The following CEP63 variants were observed in gnomAD, a reference collection of about 807,000 sequenced individuals.
The protein encoded by CEP63 is centrosomal protein 63, also known as centrosomal protein of 63 kDa.
A neutral mutation model predicts 89.1 loss-of-function variants in CEP63; 84 were observed. That is an observed-to-expected ratio of 0.94 (90% confidence interval 0.79 to 1.13). The LOEUF (loss-of-function observed/expected upper bound fraction) is 1.13, where lower values mean the gene tolerates loss of function less well. Among genes scored for constraint, CEP63 ranks in the 50% most tolerant of loss-of-function variants. The probability of loss-of-function intolerance (pLI) is 0.00; values close to 1 mark genes in which losing one functional copy is unlikely to be tolerated. For synonymous variants in CEP63, 267 were observed against 272.5 expected, an observed-to-expected ratio of 0.98 and a Z score of 0.20; for missense variants, 838 against 813.3, an observed-to-expected ratio of 1.03 and a Z score of -0.37.
chr3:134,676,486 T>A, the CEP63 span, among the ~76,000 whole-genome samples: 1 of 152,200 alleles, frequency 6.6e-6, no homozygotes, highest in Non-Finnish European at 1.5e-5. Flanking sequence ...GTGACAAAAA[T>A]GTTCTGAAGT....
intron 5 of CEP63, among the ~76,000 whole-genome samples, chr3:134,534,897 T>A (rs1283076678): frequency 6.6e-6 from 1 of 152,174 alleles, no homozygotes; most frequent in African/African-American, 2.4e-5. Context: ...TCTTCCTTTC[T>A]GTTTATAGAC....
intron 6 of CEP63, among the ~76,000 whole-genome samples, chr3:134,538,605 A>G (rs566902025): frequency 2.8e-5 from 4 of 145,438 alleles, no homozygotes; most frequent in Non-Finnish European, 6.0e-5. Flanking sequence ...TTTTCTTGAG[A>G]TGAGGTCTTG....
intron 2 of CEP63, among the ~76,000 whole-genome samples, chr3:134,502,491 T>A (rs1308094724): frequency 6.6e-6 from 1 of 152,154 alleles, no homozygotes; most frequent in Admixed American, 6.6e-5. Flanking sequence ...ACTGATTTAA[T>A]TTTATAACTC....
At chr3:134,755,503 C>T in the CEP63 span, among the ~76,000 whole-genome samples, 4 of 152,298 alleles carry the variant, frequency 2.6e-5, no homozygotes, top group African/African-American at 7.2e-5. Flanking sequence ...CTGATTTGGC[C>T]TCTGAGCAGG....
the CEP63 span, among the ~76,000 whole-genome samples, chr3:134,623,759 C>G: frequency 6.6e-6 from 1 of 152,122 alleles, no homozygotes; most frequent in South Asian, 2.1e-4. Context: ...GCCGACATGG[C>G]GTCTGTCCTG....
At chr3:134,559,914 C>T (rs1057393862) in intron 14 of CEP63, among the ~76,000 whole-genome samples, 2 of 152,204 alleles carry the variant, frequency 1.3e-5, no homozygotes, top group East Asian at 3.9e-4. Context: ...GACACCATGC[C>T]GGTCCCTTGC....
chr3:134,532,616 A>G (rs1406879414), intron 4 of CEP63, 162 bp from the exon 5 acceptor site: 1 of 555,934 alleles, frequency 1.8e-6, no homozygotes, highest in East Asian at 3.1e-5. Flanking sequence ...TGTTTGTTTT[A>G]CATATTTAAT....
the CEP63 span, among the ~76,000 whole-genome samples, chr3:134,623,856 C>T: frequency 6.6e-6 from 1 of 152,118 alleles, no homozygotes; most frequent in Non-Finnish European, 1.5e-5. Context: ...AACTCTGACC[C>T]TTCCTGGCCT....
the CEP63 span, among the ~76,000 whole-genome samples, chr3:134,623,762 C>CT: frequency 6.6e-6 from 1 of 152,188 alleles, no homozygotes; most frequent in Non-Finnish European, 1.5e-5. Context: ...GACATGGCGT[C>CT]TGTCCTGATC....
At chr3:134,746,603 T>C in the CEP63 span, among the ~76,000 whole-genome samples, 2 of 152,262 alleles carry the variant, frequency 1.3e-5, no homozygotes, top group Non-Finnish European at 2.9e-5. Flanking sequence ...GACTTTTTAA[T>C]GATTGCTATT....
intron 1 of CEP63, among the ~76,000 whole-genome samples, chr3:134,492,165 C>T (rs1020172378): frequency 1.3e-5 from 2 of 150,740 alleles, no homozygotes; most frequent in Non-Finnish European, 2.9e-5. Context: ...GCTCCGCCTC[C>T]CGGGTTCACG....
At chr3:134,627,926 T>C in the CEP63 span, 2 of 823,452 alleles carry the variant, frequency 2.4e-6, no homozygotes, top group Admixed American at 2.0e-5. Flanking sequence ...TCCTCTTTAC[T>C]CTCCTTTTCA....
chr3:134,494,015 C>T (rs1027387439), intron 1 of CEP63, among the ~76,000 whole-genome samples: 3 of 152,240 alleles, frequency 2.0e-5, no homozygotes, highest in South Asian at 4.2e-4. Flanking sequence ...ACATATTAAT[C>T]AACACTACTG....
chr3:134,550,264 A>C lies in CEP63; in HGVS notation c.1380+4A>C. On this transcript the variant is annotated splice_donor_region_variant and intron_variant, in intron 11 of 14. Transcript: ENST00000675561. ...AGACAAAGCAGTAGAGCATAAGGTG[A>C]AGCCTGAACAAAACCTTTTTTAAAT... is the stretch of plus-strand genomic sequence containing the variant. 1 of 1,613,572 alleles carries C rather than the reference A, an allele frequency of 6.2e-7. No individual in the cohort carries two copies. Among genetic ancestry groups the C allele is most frequent in the Middle Eastern group, 1.7e-4 (1 of 6,060 alleles).
the CEP63 span, among the ~76,000 whole-genome samples, chr3:134,771,713 C>T: frequency 6.6e-6 from 1 of 152,078 alleles, no homozygotes; most frequent in Non-Finnish European, 1.5e-5. Context: ...TGCAGCAAAC[C>T]ACCACGGCAC....
chr3:134,732,529 T>C, the CEP63 span, among the ~76,000 whole-genome samples: 1 of 151,952 alleles, frequency 6.6e-6, no homozygotes, highest in Non-Finnish European at 1.5e-5. Context: ...AATTACTAGG[T>C]GTGCAAGAAG....
the CEP63 span, among the ~76,000 whole-genome samples, chr3:134,724,260 C>T: frequency 1.3e-5 from 2 of 152,180 alleles, no homozygotes; most frequent in Non-Finnish European, 2.9e-5. Context: ...TGTCACTGTC[C>T]GTTCTCTCTT....
the CEP63 span, among the ~76,000 whole-genome samples, chr3:134,599,081 G>A: frequency 6.6e-6 from 1 of 152,204 alleles, no homozygotes; most frequent in African/African-American, 2.4e-5. Context: ...CCCTTCAGAT[G>A]TTCTGTAACT....
At chr3:134,502,568 A>T (rs1942308277) in intron 2 of CEP63, among the ~76,000 whole-genome samples, 1 of 152,096 alleles carries the variant, frequency 6.6e-6, no homozygotes, top group African/African-American at 2.4e-5. Context: ...TGTTTCCAGG[A>T]ATTTTTCCAT....
Sources: allele counts gnomAD v4.1 joint callset (sites outside exome capture counted in the v4.1 genomes callset), GRCh38; gene constraint gnomAD v4.1.1; transcripts MANE v1.5; gene names NCBI Gene and HGNC (gene_info 2026-07-23, HGNC 2026-07-21).